Variants in RASSF6 observed in about 807,000 individuals in gnomAD.
RASSF6 encodes the protein Ras association domain family member 6.
In RASSF6, 52 loss-of-function variants were observed where a neutral mutation model predicts 44.0. The ratio of observed to expected loss-of-function variants is 1.18; its 90% confidence interval spans 0.95 to 1.49. The LOEUF (loss-of-function observed/expected upper bound fraction) is 1.49. Ranked by LOEUF, RASSF6 falls within the 40% of genes most tolerant of loss-of-function variation. RASSF6 has a pLI of 0.00. For synonymous variants in RASSF6, 162 were observed against 124.6 expected, an observed-to-expected ratio of 1.30 and a Z score of -2.00; for missense variants, 464 against 393.3, an observed-to-expected ratio of 1.18 and a Z score of -1.52.
intron 4 of RASSF6, among the ~76,000 whole-genome samples, chr4:73,592,247 A>G (rs1316515748): frequency 1.3e-5 from 2 of 152,226 alleles, no homozygotes; most frequent in Non-Finnish European, 2.9e-5. Flanking sequence ...ATTTTTTCCA[A>G]AGGAAAAGCA....
chr4:73,595,579 A>T (rs1273171993), intron 3 of RASSF6, among the ~76,000 whole-genome samples: 1 of 152,218 alleles, frequency 6.6e-6, no homozygotes, highest in Non-Finnish European at 1.5e-5. Flanking sequence ...TTCATAACAC[A>T]AAAACTCAAA....
At chr4:73,618,446 T>C (rs912462781) in intron 1 of RASSF6, among the ~76,000 whole-genome samples, 2 of 152,142 alleles carry the variant, frequency 1.3e-5, no homozygotes, top group African/African-American at 4.8e-5. Context: ...TTTAGACATA[T>C]GTCTATCAAT....
At position 73,598,711 on chromosome 4, in the gene RASSF6, G is replaced by A; in HGVS notation, c.73C>T (p.Leu25Phe). The A allele has an allele frequency of 2.3e-6, 3 of 1,310,480 alleles. No individual in the cohort carries two copies. The highest frequency in any genetic ancestry group is 3.1e-6 in the Non-Finnish European group (3 of 975,346). 81.2% of individuals were successfully genotyped at this position (1,310,480 alleles called of 1,614,324 possible). Reference protein sequence around the residue: ...NEKTFITREQLNSLLKTYNIF... With the variant: ...NEKTFITREQFNSLLKTYNIF... ...TTATAGGTCTTCAATAAAGAATTAA[G>A]TTGTTCCCTAAAAATAAAAAAAAAT... Residue 25 changes from leucine (L) to phenylalanine (F), a missense_variant, in exon 3 of 11, where the codon CTT becomes TTT. Coordinates refer to ENST00000307439, the MANE Select transcript of RASSF6 (RefSeq NM_177532.5).
intron 1 of RASSF6, among the ~76,000 whole-genome samples, chr4:73,620,024 TATG>T (rs1319756064): frequency 6.6e-6 from 1 of 152,096 alleles, no homozygotes; most frequent in Non-Finnish European, 1.5e-5. Context: ...GGAGGGGTCC[TATG>T]GTCACATTTA....
intron 3 of RASSF6, among the ~76,000 whole-genome samples, chr4:73,594,937 G>A (rs536753583): frequency 6.6e-5 from 10 of 152,254 alleles, no homozygotes; most frequent in African/African-American, 2.2e-4. Flanking sequence ...TTTTAAAATG[G>A]TGTCTGGTAC....
At chr4:73,584,832 T>C (rs1451132863) in intron 6 of RASSF6, among the ~76,000 whole-genome samples, 1 of 152,076 alleles carries the variant, frequency 6.6e-6, no homozygotes, top group African/African-American at 2.4e-5. Context: ...AAAACTTGTG[T>C]TCTGGAGTCA....
In RASSF6 at chr4:73,574,705, CT is replaced by C. The variant is rs900772091; in HGVS notation, c.*1529del. On this transcript the variant is annotated 3_prime_UTR_variant, in exon 11 of 11. Transcript: ENST00000307439. ...ACAGTTGTTCACTGTTAAGATACGA[CT>C]TTTTTCATATACTTAGTGGCCATTT... 1 of 152,050 alleles carries C rather than the reference CT, an allele frequency of 6.6e-6. No homozygotes were observed. The highest frequency in any genetic ancestry group is 2.4e-5 in the African/African-American group (1 of 41,388). 9.4% of individuals were successfully genotyped at this position (152,050 alleles called of 1,614,324 possible). A position where few individuals can be genotyped will look rare whatever the true frequency, so the allele number is the denominator to read the frequency against.
Position 73,572,965 on chromosome 4 carries a change from A to T in RASSF6, c.*3270T>A, listed in dbSNP as rs1404696204. The T allele has an allele frequency of 4.6e-5, 7 of 152,118 alleles. No homozygotes were observed. The highest frequency in any genetic ancestry group is 1.7e-4 in the African/African-American group (7 of 41,420). 9.4% of individuals were successfully genotyped at this position (152,118 alleles called of 1,614,324 possible). ...CAAATACATATATATATACACACAC[A>T]TACATATATAATATATATGCCTTAA... On this transcript the variant is annotated 3_prime_UTR_variant, in exon 11 of 11. Transcript: ENST00000307439.
At chr4:73,601,288 A>G (rs1725261480) in intron 2 of RASSF6, among the ~76,000 whole-genome samples, 3 of 152,244 alleles carry the variant, frequency 2.0e-5, no homozygotes, top group Admixed American at 2.0e-4. Flanking sequence ...GTATTGGAAT[A>G]TCACCACACT....
chr4:73,594,571 C>T (rs13115877), intron 3 of RASSF6, among the ~76,000 whole-genome samples: 95,642 of 152,034 alleles, frequency 0.63, 31,451 homozygotes, highest in East Asian at 0.88. Context: ...TAATTCACAG[C>T]GCCTGGCATT....
intron 6 of RASSF6, 117 bp downstream of exon 6, chr4:73,585,063 G>T: frequency 1.5e-6 from 1 of 662,272 alleles, no homozygotes; most frequent in Non-Finnish European, 2.5e-6. Context: ...CCCCCAAGAT[G>T]TTAGACATGC....
In RASSF6 at chr4:73,572,376, C is replaced by T. The variant is rs915958817; in HGVS notation, c.*3859G>A. 3 of 152,122 alleles carry T rather than the reference C, an allele frequency of 2.0e-5. No individual in the cohort carries two copies. The highest frequency in any genetic ancestry group is 7.2e-5 in the African/African-American group (3 of 41,500). The allele number at this position is 152,122 out of a possible 1,614,324, so 9.4% of individuals were successfully genotyped here. ...ATTTTCCTGTATTAAAAGTAAGTCC[C>T]TAATTGCTAAAAGAGTACATTTTTA... On this transcript the variant is annotated 3_prime_UTR_variant, in exon 11 of 11. Coordinates refer to ENST00000307439, the MANE Select transcript of RASSF6 (RefSeq NM_177532.5).
At chr4:73,593,666 T>A in intron 3 of RASSF6, 73 bp from the exon 4 acceptor site, 1 of 1,475,426 alleles carries the variant, frequency 6.8e-7, no homozygotes, top group Non-Finnish European at 9.3e-7. Context: ...AACGAAGATG[T>A]AGAAATTAAG....
chr4:73,577,148 A>G (rs2149361577), intron 8 of RASSF6, among the ~76,000 whole-genome samples: 1 of 152,236 alleles, frequency 6.6e-6, no homozygotes, highest in African/African-American at 2.4e-5. Context: ...AATTATTTTC[A>G]ATTCTTCCTT....
chr4:73,585,039 G>C, intron 6 of RASSF6, 141 bp downstream of exon 6: 1 of 532,946 alleles, frequency 1.9e-6, no homozygotes, highest in Non-Finnish European at 3.3e-6. Flanking sequence ...TTAATATCTA[G>C]CACATAGAGA....
At chr4:73,593,706 A>C (rs958598264) in intron 3 of RASSF6, 113 bp from the exon 4 acceptor site, 9 of 983,266 alleles carry the variant, frequency 9.2e-6, no homozygotes, top group East Asian at 5.0e-5. Context: ...GATTAAAAAG[A>C]AACGCCAGGG....
intron 2 of RASSF6, among the ~76,000 whole-genome samples, chr4:73,603,613 A>G (rs1725426853): frequency 6.6e-6 from 1 of 152,180 alleles, no homozygotes; most frequent in Non-Finnish European, 1.5e-5. Flanking sequence ...TTGTGGCCTG[A>G]ATTGCAGCTG....
intron 1 of RASSF6, among the ~76,000 whole-genome samples, chr4:73,619,526 A>G (rs1726566096): frequency 1.3e-5 from 2 of 152,192 alleles, no homozygotes; most frequent in South Asian, 2.1e-4. Context: ...AACAGTAGGT[A>G]TCACTTACAG....
At chr4:73,579,643 T>A (rs974590936) in intron 8 of RASSF6, among the ~76,000 whole-genome samples, 1 of 152,160 alleles carries the variant, frequency 6.6e-6, no homozygotes, top group Non-Finnish European at 1.5e-5. Flanking sequence ...TCTGTTGTTT[T>A]GTTACCATTT....
Sources: allele counts gnomAD v4.1 joint callset (sites outside exome capture counted in the v4.1 genomes callset), GRCh38; gene constraint gnomAD v4.1.1; transcripts MANE v1.5; gene names NCBI Gene and HGNC (gene_info 2026-07-23, HGNC 2026-07-21).